PTP4A2: variants seen among roughly 807,000 people sequenced by gnomAD.
PTP4A2 encodes the protein protein tyrosine phosphatase 4A2.
PTP4A2 carries 2 observed loss-of-function variants against 22.9 expected under a neutral mutation model. That is an observed-to-expected ratio of 0.09 (90% CI 0.04 to 0.27). The LOEUF (loss-of-function observed/expected upper bound fraction) is 0.27. Among genes scored for constraint, PTP4A2 ranks in the 10% least tolerant of loss-of-function variants. The probability of loss-of-function intolerance (pLI) is 1.00; values close to 1 mark genes in which losing one functional copy is unlikely to be tolerated. For missense variants in PTP4A2, 103 were observed against 205.1 expected (o/e 0.50, Z 3.04); for synonymous variants, 68 against 69.1 (o/e 0.98, Z 0.08).
chr1:31,916,308 G>A (rs1298667438), intron 2 of PTP4A2, among the ~76,000 whole-genome samples: 2 of 124,894 alleles, frequency 1.6e-5, no homozygotes, highest in Non-Finnish European at 3.1e-5. Context: ...TCGTGCCACT[G>A]CACTCCAGCC....
At position 31,911,842 on chromosome 1, in the gene PTP4A2, C is replaced by T; in HGVS notation, c.190-16G>A. The T allele has an allele frequency of 6.5e-7, 1 of 1,547,008 alleles. No individual in the cohort carries two copies. ...ATGGCCAATCCTGAAAAGAAATGAC[C>T]TTTTACATTAAATTGATATTTTCTC... On this transcript the variant is annotated splice_polypyrimidine_tract_variant and intron_variant, in intron 3 of 5. Transcript: ENST00000647444.
At chr1:31,922,594 C>G (rs376487072) in intron 1 of PTP4A2, among the ~76,000 whole-genome samples, 676 of 45,768 alleles carry the variant, frequency 0.015, 3 homozygotes, top group South Asian at 0.11. Context: ...TTGTTTCTTT[C>G]TTTCTTTCTT....
intron 3 of PTP4A2, among the ~76,000 whole-genome samples, chr1:31,912,651 G>A (rs1569579611): frequency 6.6e-6 from 1 of 152,156 alleles, no homozygotes; most frequent in East Asian, 1.9e-4. Context: ...GAGGGGGACT[G>A]GGGGCTGACA....
chr1:31,924,346 A>T (rs1652348653), intron 1 of PTP4A2, among the ~76,000 whole-genome samples: 1 of 152,252 alleles, frequency 6.6e-6, no homozygotes. Flanking sequence ...CAGATACATG[A>T]TAAAAACAAG....
At chr1:31,934,254 G>A (rs563800012) in intron 1 of PTP4A2, among the ~76,000 whole-genome samples, 67 of 151,914 alleles carry the variant, frequency 4.4e-4, no homozygotes, top group African/African-American at 1.5e-3. Context: ...GCAAAACTCC[G>A]TCTTAAAAAA....
intron 1 of PTP4A2, among the ~76,000 whole-genome samples, chr1:31,927,378 G>A (rs1258516197): frequency 6.6e-6 from 1 of 152,054 alleles, no homozygotes; most frequent in Non-Finnish European, 1.5e-5. Flanking sequence ...AGGAGAGTGG[G>A]GCTTGAAAAA....
chr1:31,927,342 G>A (rs1652511675), intron 1 of PTP4A2, among the ~76,000 whole-genome samples: 1 of 152,128 alleles, frequency 6.6e-6, no homozygotes, highest in Non-Finnish European at 1.5e-5. Context: ...ACAGACACTG[G>A]GGACCACTTG....
At chr1:31,920,303 C>A (rs1225579821) in intron 1 of PTP4A2, among the ~76,000 whole-genome samples, 1 of 141,730 alleles carries the variant, frequency 7.1e-6, no homozygotes, top group African/African-American at 2.6e-5. Flanking sequence ...ATTAGCCAGG[C>A]ATGGTGGCGC....
intron 1 of PTP4A2, among the ~76,000 whole-genome samples, chr1:31,931,477 A>G (rs567584982): frequency 6.6e-5 from 10 of 152,318 alleles, no homozygotes; most frequent in Non-Finnish European, 1.2e-4. Flanking sequence ...TGAGAAAAAG[A>G]GCAAATATTG....
intron 3 of PTP4A2, 68 bp downstream of exon 3, chr1:31,915,827 T>C (rs1651801039): frequency 2.8e-6 from 3 of 1,082,890 alleles, no homozygotes; most frequent in Non-Finnish European, 4.1e-6. Flanking sequence ...GCACCTGGCC[T>C]AGTTTTATAA....
At chr1:31,933,625 A>C (rs1652817573) in intron 1 of PTP4A2, 1 of 152,176 alleles carries the variant, frequency 6.6e-6, no homozygotes, top group Admixed American at 6.5e-5. Flanking sequence ...ATACCAGCTG[A>C]GGCAGGACAA....
chr1:31,917,705 G>A (rs1651918856), intron 2 of PTP4A2, among the ~76,000 whole-genome samples: 1 of 152,204 alleles, frequency 6.6e-6, no homozygotes, highest in Non-Finnish European at 1.5e-5. Flanking sequence ...GTCAGGCACA[G>A]TGGCTCACGC....
At chr1:31,910,435 G>A in intron 4 of PTP4A2, 1 of 196,534 alleles carries the variant, frequency 5.1e-6, no homozygotes, top group Non-Finnish European at 1.1e-5. Flanking sequence ...GACTATAGGT[G>A]CCCGCCACCA....
At chr1:31,930,121 G>A (rs1204323677) in intron 1 of PTP4A2, among the ~76,000 whole-genome samples, 1 of 152,132 alleles carries the variant, frequency 6.6e-6, no homozygotes, top group Non-Finnish European at 1.5e-5. Context: ...GGCGGATCAC[G>A]AGGTCAGCAG....
chr1:31,927,349 C>T (rs1334757466), intron 1 of PTP4A2, among the ~76,000 whole-genome samples: 1 of 152,110 alleles, frequency 6.6e-6, no homozygotes, highest in Non-Finnish European at 1.5e-5. Context: ...CTGGGGACCA[C>T]TTGAGGGTGG....
rs1168516198 is a variant in PTP4A2, at chr1:31,938,280, C to G, written c.-887G>C. On this transcript the variant is annotated 5_prime_UTR_variant, in exon 1 of 6. Coordinates refer to ENST00000647444, the MANE Select transcript of PTP4A2 (RefSeq NM_080391.4). This position sits in a 1 kb window ranked among gnomAD's most constrained non-coding sequence, Gnocchi z 4.4. Reference sequence around the variant, plus strand: ...GGCGTCACCTCGCGCCGTGCCCGGCCGCCGCTGCCGCTCCAGCCGCTCCCG... The same window carrying G: ...GGCGTCACCTCGCGCCGTGCCCGGCGGCCGCTGCCGCTCCAGCCGCTCCCG... 2 of 149,832 alleles carry G rather than the reference C, an allele frequency of 1.3e-5. No individual in the cohort carries two copies. Among genetic ancestry groups the G allele is most frequent in the African/African-American group, 4.9e-5 (2 of 41,016 alleles). The allele number at this position is 149,832 out of a possible 1,614,324, so 9.3% of individuals were successfully genotyped here.
intron 3 of PTP4A2, chr1:31,913,656 C>T (rs1651664651): frequency 2.8e-6 from 1 of 356,154 alleles, no homozygotes; most frequent in Non-Finnish European, 5.5e-6. Context: ...TTTGCATTTC[C>T]CAGATCACAG....
chr1:31,907,963 A>C lies in PTP4A2; in HGVS notation c.*889T>G, dbSNP rs763183161. On this transcript the variant is annotated 3_prime_UTR_variant, in exon 6 of 6. Coordinates refer to ENST00000647444, the MANE Select transcript of PTP4A2 (RefSeq NM_080391.4). ...TTCGACTCTCAGGTAAGTTGAGAAG[A>C]GACTCCTCTTAAAATGCCATTTCTC... The C allele has an allele frequency of 6.6e-6, 1 of 150,774 alleles. No homozygotes were observed. The highest frequency in any genetic ancestry group is 1.5e-5 in the Non-Finnish European group (1 of 67,758). 9.3% of individuals were successfully genotyped at this position (150,774 alleles called of 1,614,324 possible).
chr1:31,920,827 T>A (rs1032228523), intron 1 of PTP4A2, among the ~76,000 whole-genome samples: 3 of 152,144 alleles, frequency 2.0e-5, no homozygotes, highest in Non-Finnish European at 2.9e-5. Context: ...CGTGAACTAC[T>A]GCGCCTGGCC....
Sources: gnomAD v4.1 joint callset for allele counts (sites outside exome capture counted in the v4.1 genomes callset) on GRCh38, gnomAD v4.1.1 for gene constraint, Gnocchi (gnomAD v3.1) non-coding constraint, MANE v1.5 for transcripts, NCBI Gene and HGNC (gene_info 2026-07-23, HGNC 2026-07-21) for gene names.